PLD5: variants seen among roughly 807,000 people sequenced by gnomAD.
PLD5 encodes the protein phospholipase D family member 5.
A neutral mutation model predicts 61.1 loss-of-function variants in PLD5; 36 were observed. The observed-to-expected ratio is 0.59, with a 90% CI of 0.45 to 0.78. PLD5 has a LOEUF of 0.78. Ranked by LOEUF, PLD5 falls within the 30% of genes least tolerant of loss-of-function variation. The pLI is 0.00. For synonymous variants in PLD5, 243 were observed against 242.8 expected, an observed-to-expected ratio of 1.00 and a Z score of -0.01; for missense variants, 515 against 644.4, an observed-to-expected ratio of 0.80 and a Z score of 2.17.
rs563527097 is a variant in PLD5, at chr1:242,216,664, T to G, written c.735+3324A>C. Among the ~76,000 whole-genome samples, 72 of 152,300 alleles carry G rather than the reference T, an allele frequency of 4.7e-4. No individual in the cohort carries two copies. The South Asian group carries it at 0.014, about 30-fold the overall frequency. On this transcript the variant is annotated intron_variant, in intron 5 of 9. Transcript: ENST00000536534. Reference sequence around the variant, plus strand: ...AGGGCCACGACTCTTTACAGCACCTTCTTTACAGCACCTTCCTCGGTGTCT... The same window carrying G: ...AGGGCCACGACTCTTTACAGCACCTGCTTTACAGCACCTTCCTCGGTGTCT...
Position 242,097,483 on chromosome 1 carries a change from C to G in PLD5, c.1354+3185G>C, listed in dbSNP as rs189439304. On this transcript the variant is annotated intron_variant, in intron 9 of 9. Coordinates refer to ENST00000536534, the MANE Select transcript of PLD5 (RefSeq NM_001372062.1). ...GGTATCTCATTGTGGTTTTGATTTGCATTTCTCTGATGGCCAGTGAGGATG... is the reference window on the plus strand; with the variant it reads ...GGTATCTCATTGTGGTTTTGATTTGGATTTCTCTGATGGCCAGTGAGGATG... Among the ~76,000 whole-genome samples, 1,166 of 152,286 alleles carry G rather than the reference C, an allele frequency of 7.7e-3. 9 individuals carry two copies. Among genetic ancestry groups the G allele is most frequent in the Non-Finnish European group, 0.011 (757 of 68,030 alleles).
At chr1:242,337,931 GA>G (rs1485798296) in intron 2 of PLD5, among the ~76,000 whole-genome samples, 1 of 152,160 alleles carries the variant, frequency 6.6e-6, no homozygotes, top group African/African-American at 2.4e-5. Context: ...TTGGTTTGCA[GA>G]ATCTTTTATT....
At chr1:242,371,874 T>C (rs1336192481) in intron 1 of PLD5, among the ~76,000 whole-genome samples, 1 of 152,156 alleles carries the variant, frequency 6.6e-6, no homozygotes, top group Non-Finnish European at 1.5e-5. Flanking sequence ...AAAGTTTTTT[T>C]TTTTAATTAT....
intron 2 of PLD5, among the ~76,000 whole-genome samples, chr1:242,289,326 G>T (rs946963406): frequency 3.9e-5 from 6 of 152,014 alleles, no homozygotes; most frequent in Admixed American, 1.3e-4. Context: ...GCTTTATTAA[G>T]CTTTATTTAT....
intron 1 of PLD5, among the ~76,000 whole-genome samples, chr1:242,523,400 C>A (rs1380392340): frequency 6.6e-6 from 1 of 151,522 alleles, no homozygotes; most frequent in Non-Finnish European, 1.5e-5. Flanking sequence ...AGAGCCAATT[C>A]ACTTCGCGTG....
chr1:242,512,802 C>T (rs1240479480), intron 1 of PLD5, among the ~76,000 whole-genome samples: 1 of 152,180 alleles, frequency 6.6e-6, no homozygotes, highest in Non-Finnish European at 1.5e-5. Flanking sequence ...ACAATTACAA[C>T]TGTGTGAATG....
In PLD5 at chr1:242,084,086, C is replaced by A. The variant is rs1659353251; in HGVS notation, c.*5768G>T. 6.6e-6 allele frequency: 1 copy of A among 152,106 alleles called. No homozygotes were observed. Among genetic ancestry groups the A allele is most frequent in the South Asian group, 2.1e-4 (1 of 4,834 alleles). The allele number at this position is 152,106 out of a possible 1,614,324, so 9.4% of individuals were successfully genotyped here. ...AGATCTTTTCTCCTTACTAATTTAT[C>A]TCTCATATAAAAATAAATCACAAAT... On this transcript the variant is annotated 3_prime_UTR_variant, in exon 10 of 10. Transcript: ENST00000536534.
At chr1:242,162,482 A>T (rs995670398) in intron 5 of PLD5, among the ~76,000 whole-genome samples, 19 of 152,184 alleles carry the variant, frequency 1.2e-4, no homozygotes, top group African/African-American at 4.1e-4. Context: ...TGCAAAGAAA[A>T]TTGTGTAGCC....
intron 5 of PLD5, among the ~76,000 whole-genome samples, chr1:242,151,790 A>G (rs1469292302): frequency 1.3e-5 from 2 of 151,690 alleles, no homozygotes; most frequent in Admixed American, 6.6e-5. Flanking sequence ...TCCTTTTTAC[A>G]TTGTCTTTCA....
At chr1:242,139,636 G>T (rs1006054217) in intron 5 of PLD5, among the ~76,000 whole-genome samples, 1 of 152,074 alleles carries the variant, frequency 6.6e-6, no homozygotes, top group Non-Finnish European at 1.5e-5. Flanking sequence ...TTCCTTTTGC[G>T]CCTTGCAGTG....
intron 1 of PLD5, among the ~76,000 whole-genome samples, chr1:242,411,669 A>T (rs534614839): frequency 2.0e-5 from 3 of 152,266 alleles, no homozygotes; most frequent in Admixed American, 1.3e-4. Flanking sequence ...TTTAATTGAA[A>T]TTTTTTTGAG....
chr1:242,316,526 G>A (rs1450926177), intron 2 of PLD5, among the ~76,000 whole-genome samples: 2 of 151,818 alleles, frequency 1.3e-5, no homozygotes, highest in African/African-American at 2.4e-5. Flanking sequence ...AATCATCTCT[G>A]GTTAGATGAA....
intron 5 of PLD5, among the ~76,000 whole-genome samples, chr1:242,202,534 C>T (rs1048693337): frequency 6.6e-6 from 1 of 152,140 alleles, no homozygotes; most frequent in African/African-American, 2.4e-5. Context: ...TGGGAAGGGA[C>T]CATCCAGCCC....
chr1:242,150,450 A>G (rs572556151), intron 5 of PLD5, among the ~76,000 whole-genome samples: 2 of 151,692 alleles, frequency 1.3e-5, no homozygotes, highest in African/African-American at 4.8e-5. Context: ...TCCTTATACT[A>G]TTATTTGTTT....
chr1:242,377,061 G>C, intron 1 of PLD5: 3 of 1,611,786 alleles, frequency 1.9e-6, no homozygotes, highest in Non-Finnish European at 2.5e-6. Context: ...GCCATCAGGG[G>C]AGTCATCCTC....
chr1:242,295,455 G>A (rs559905420), intron 2 of PLD5, among the ~76,000 whole-genome samples: 1 of 152,214 alleles, frequency 6.6e-6, no homozygotes, highest in African/African-American at 2.4e-5. Flanking sequence ...ATCCACATTG[G>A]TGCAAAGGAC....
At chr1:242,514,578 C>T (rs1261550943) in intron 1 of PLD5, among the ~76,000 whole-genome samples, 1 of 151,430 alleles carries the variant, frequency 6.6e-6, no homozygotes, top group Non-Finnish European at 1.5e-5. Context: ...TGTACCCGCC[C>T]AAGACCTAAA....
chr1:242,291,760 T>C (rs1310594488), intron 2 of PLD5, among the ~76,000 whole-genome samples: 2 of 151,958 alleles, frequency 1.3e-5, no homozygotes, highest in African/African-American at 4.8e-5. Flanking sequence ...TGAACCGAGA[T>C]TGTACCACTG....
At chr1:242,220,689 T>C (rs935088597) in intron 4 of PLD5, among the ~76,000 whole-genome samples, 2 of 148,936 alleles carry the variant, frequency 1.3e-5, no homozygotes, top group African/African-American at 4.9e-5. Flanking sequence ...CTTTATCTGA[T>C]AGTATTTTTT....
Sources: allele counts gnomAD v4.1 joint callset (sites outside exome capture counted in the v4.1 genomes callset), GRCh38; gene constraint gnomAD v4.1.1; transcripts MANE v1.5; gene names NCBI Gene and HGNC (gene_info 2026-07-23, HGNC 2026-07-21).